Variants in GALNT13 observed in about 807,000 individuals in gnomAD.
GALNT13 encodes the protein UDP-GalNAc:polypeptide N-acetylgalactosaminyltransferase 13.
A neutral mutation model predicts 64.2 loss-of-function variants in GALNT13; 28 were observed. The observed-to-expected ratio is 0.44, with a 90% CI of 0.32 to 0.60. GALNT13 has a LOEUF of 0.60. Among genes scored for constraint, GALNT13 ranks in the 20% least tolerant of loss-of-function variants. The pLI is 0.05. For missense variants in GALNT13, 577 were observed against 669.8 expected, an observed-to-expected ratio of 0.86 and a Z score of 1.53; for synonymous variants, 214 against 224.6, an observed-to-expected ratio of 0.95 and a Z score of 0.42.
chr2:153,344,021 G>A, the GALNT13 span, among the ~76,000 whole-genome samples: 476 of 152,118 alleles, frequency 3.1e-3, 2 homozygotes, highest in African/African-American at 0.011. Flanking sequence ...TTTTCCTGAG[G>A]CACAGTATTC....
chr2:154,300,099 CTTTTTTT>C (rs368475927), intron 8 of GALNT13, among the ~76,000 whole-genome samples: 1 of 117,042 alleles, frequency 8.5e-6, no homozygotes, highest in South Asian at 2.8e-4. Flanking sequence ...TTCTTTCTCT[CTTTTTTT>C]TTTTTTTTTT....
At chr2:153,498,524 A>G in the GALNT13 span, among the ~76,000 whole-genome samples, 1 of 152,248 alleles carries the variant, frequency 6.6e-6, no homozygotes, top group Non-Finnish European at 1.5e-5. Flanking sequence ...TGGGGCGGGC[A>G]GCTACAGGTG....
the GALNT13 span, among the ~76,000 whole-genome samples, chr2:153,754,849 G>A: frequency 1.3e-5 from 2 of 152,302 alleles, no homozygotes; most frequent in Admixed American, 6.5e-5. Flanking sequence ...CTTTCAGGAA[G>A]TCAAATTCTG....
chr2:153,825,410 C>G, the GALNT13 span, among the ~76,000 whole-genome samples: 1,196 of 152,156 alleles, frequency 7.9e-3, 17 homozygotes, highest in African/African-American at 0.027. Context: ...AGCAATGGCT[C>G]CTGTTGTATT....
intron 9 of GALNT13, among the ~76,000 whole-genome samples, chr2:154,357,146 C>T (rs1351720708): frequency 1.3e-5 from 2 of 151,300 alleles, no homozygotes; most frequent in Non-Finnish European, 3.0e-5. Context: ...TTTCCAAGGT[C>T]AAACCAGTTG....
chr2:153,681,140 G>A, the GALNT13 span, among the ~76,000 whole-genome samples: 2 of 151,804 alleles, frequency 1.3e-5, no homozygotes, highest in Non-Finnish European at 2.9e-5. Flanking sequence ...GTCTGACAAG[G>A]CTACAGAAAC....
chr2:154,009,747 C>G (rs1696502176), intron 3 of GALNT13, among the ~76,000 whole-genome samples: 1 of 152,078 alleles, frequency 6.6e-6, no homozygotes, highest in African/African-American at 2.4e-5. Context: ...GCCTCGGCCT[C>G]CCAAGGTATG....
At chr2:154,267,588 C>G (rs1691086241) in intron 8 of GALNT13, among the ~76,000 whole-genome samples, 1 of 151,934 alleles carries the variant, frequency 6.6e-6, no homozygotes, top group South Asian at 2.1e-4. Flanking sequence ...TGCAGTGAGC[C>G]GAGATAGTGC....
At chr2:153,984,874 T>C (rs1210201942) in intron 3 of GALNT13, among the ~76,000 whole-genome samples, 1 of 151,978 alleles carries the variant, frequency 6.6e-6, no homozygotes, top group Non-Finnish European at 1.5e-5. Flanking sequence ...TTAAATCTGC[T>C]GTGAATTGTA....
At chr2:153,920,385 G>C (rs1396193784) in intron 2 of GALNT13, among the ~76,000 whole-genome samples, 2 of 152,056 alleles carry the variant, frequency 1.3e-5, no homozygotes, top group Non-Finnish European at 2.9e-5. Context: ...AATGGGGAAA[G>C]GACTCTGTAT....
At position 154,070,965 on chromosome 2, in the gene GALNT13, T is replaced by A. The variant is rs1700711133; in HGVS notation, c.143-69372T>A. ...AAAAAGAAAAGTTGGATCACTTAGC[T>A]ATATATAAGGAGACAATAAAATACT... On this transcript the variant is annotated intron_variant, in intron 3 of 12. Coordinates refer to ENST00000392825, the MANE Select transcript of GALNT13 (RefSeq NM_052917.4). 2.0e-5 allele frequency among the ~76,000 whole-genome samples: 3 copies of A among 151,762 alleles called. No homozygotes were observed. The South Asian group carries it at 6.2e-4, about 31-fold the overall frequency.
the GALNT13 span, among the ~76,000 whole-genome samples, chr2:153,751,111 A>G: frequency 2.6e-5 from 4 of 151,834 alleles, no homozygotes; most frequent in East Asian, 1.9e-4. Context: ...ATGTATTCGT[A>G]TAGTTTCCAA....
the GALNT13 span, among the ~76,000 whole-genome samples, chr2:153,239,659 T>C: frequency 6.6e-6 from 1 of 152,218 alleles, no homozygotes; most frequent in Admixed American, 6.5e-5. Context: ...ACTATTCTTG[T>C]ATTCCTTGGA....
chr2:153,823,535 A>G, the GALNT13 span, among the ~76,000 whole-genome samples: 1 of 152,196 alleles, frequency 6.6e-6, no homozygotes, highest in Non-Finnish European at 1.5e-5. Context: ...CCCCTATTCA[A>G]TAAATGATGC....
the GALNT13 span, among the ~76,000 whole-genome samples, chr2:153,571,046 G>C: frequency 2.6e-5 from 4 of 151,864 alleles, no homozygotes; most frequent in Non-Finnish European, 5.9e-5. Context: ...ATTGCCTTGG[G>C]TAGTATAGAC....
At chr2:153,415,734 C>T in the GALNT13 span, among the ~76,000 whole-genome samples, 2 of 152,112 alleles carry the variant, frequency 1.3e-5, no homozygotes, top group Middle Eastern at 3.2e-3. Flanking sequence ...TTACTGTAAA[C>T]TAAATACACA....
chr2:153,752,690 T>G, the GALNT13 span, among the ~76,000 whole-genome samples: 2 of 152,128 alleles, frequency 1.3e-5, no homozygotes, highest in Non-Finnish European at 2.9e-5. Context: ...TCCTTTATCT[T>G]TGGGAGTTTG....
At chr2:154,041,210 T>G (rs1698956954) in intron 3 of GALNT13, among the ~76,000 whole-genome samples, 1 of 140,732 alleles carries the variant, frequency 7.1e-6, no homozygotes, top group African/African-American at 2.4e-5. Context: ...CTTTTATGTC[T>G]AAATGTGTTT....
At chr2:153,471,948 C>T in the GALNT13 span, among the ~76,000 whole-genome samples, 1 of 152,126 alleles carries the variant, frequency 6.6e-6, no homozygotes, top group Non-Finnish European at 1.5e-5. Context: ...CATTTCTAGT[C>T]TGTAGTAGAA....
Sources: allele counts gnomAD v4.1 joint callset (sites outside exome capture counted in the v4.1 genomes callset), GRCh38; gene constraint gnomAD v4.1.1; transcripts MANE v1.5; gene names NCBI Gene and HGNC (gene_info 2026-07-23, HGNC 2026-07-21).